The following CORO1C variants were observed in gnomAD, a reference collection of about 807,000 sequenced individuals.
CORO1C encodes the protein coronin-1C.
Under a neutral mutation model 51.2 loss-of-function variants are expected in CORO1C, and 14 were observed. That is an observed-to-expected ratio of 0.27 (90% CI 0.18 to 0.43). The LOEUF is 0.43. CORO1C is among the 20% of genes least tolerant of loss of function. The pLI, the probability that CORO1C is intolerant of heterozygous loss-of-function variation, is 1.00. For synonymous variants in CORO1C, 181 were observed against 210.5 expected (o/e 0.86, Z 1.21); for missense variants, 417 against 607.8 (o/e 0.69, Z 3.30).
chr12:108,685,398 C>T (rs544008458), intron 2 of CORO1C, among the ~76,000 whole-genome samples: 3 of 152,228 alleles, frequency 2.0e-5, no homozygotes, highest in South Asian at 2.1e-4. Context: ...ATGGCTAACA[C>T]TTTTTAAGTA....
At chr12:108,686,217 A>G (rs1319832344) in intron 2 of CORO1C, among the ~76,000 whole-genome samples, 1 of 152,248 alleles carries the variant, frequency 6.6e-6, no homozygotes, top group African/African-American at 2.4e-5. Flanking sequence ...AACAAACCAA[A>G]GAATCCATGT....
intron 1 of CORO1C, among the ~76,000 whole-genome samples, chr12:108,703,330 A>G (rs1283713342): frequency 6.6e-6 from 1 of 152,274 alleles, no homozygotes; most frequent in Non-Finnish European, 1.5e-5. Context: ...GACAAAGGAT[A>G]TGAAGAATTT....
intron 1 of CORO1C, among the ~76,000 whole-genome samples, chr12:108,728,531 C>G (rs2035644331): frequency 6.6e-6 from 1 of 152,130 alleles, no homozygotes; most frequent in South Asian, 2.1e-4. Context: ...GTGGTGACAG[C>G]TGCACAACTC....
At chr12:108,723,525 A>G (rs544114556) in intron 1 of CORO1C, among the ~76,000 whole-genome samples, 3 of 152,346 alleles carry the variant, frequency 2.0e-5, no homozygotes, top group African/African-American at 4.8e-5. Context: ...ATGTGTGTCT[A>G]CTATGGTCTC....
chr12:108,664,941 A>C (rs1315238692), intron 3 of CORO1C, among the ~76,000 whole-genome samples: 2 of 152,184 alleles, frequency 1.3e-5, no homozygotes, highest in African/African-American at 2.4e-5. Flanking sequence ...ATTTTGCAAG[A>C]TGCACTGTGA....
chr12:108,702,777 T>C (rs1276801870), intron 1 of CORO1C: 2 of 1,492,980 alleles, frequency 1.3e-6, no homozygotes, highest in Admixed American at 4.5e-5. Context: ...ACGAATTTAT[T>C]TTTGCCAGAG....
At chr12:108,678,736 A>C (rs2034002282) in intron 2 of CORO1C, among the ~76,000 whole-genome samples, 1 of 151,472 alleles carries the variant, frequency 6.6e-6, no homozygotes, top group East Asian at 1.9e-4. Flanking sequence ...AAAAAAAAAA[A>C]ACCCTAAACC....
At chr12:108,662,934 A>C (rs1422484354) in intron 3 of CORO1C, among the ~76,000 whole-genome samples, 1 of 152,248 alleles carries the variant, frequency 6.6e-6, no homozygotes, top group Non-Finnish European at 1.5e-5. Flanking sequence ...ACATTTGATA[A>C]GAGACCCATA....
intron 2 of CORO1C, among the ~76,000 whole-genome samples, chr12:108,681,259 G>T (rs1276407413): frequency 6.6e-6 from 1 of 152,194 alleles, no homozygotes; most frequent in Admixed American, 6.5e-5. Context: ...CAAAAGGAGA[G>T]AATTAAAAGA....
chr12:108,705,631 G>C (rs2035008468), intron 1 of CORO1C, among the ~76,000 whole-genome samples: 1 of 152,088 alleles, frequency 6.6e-6, no homozygotes, highest in Admixed American at 6.6e-5. Flanking sequence ...TATGAGGCCA[G>C]TATTATCCTG....
intron 1 of CORO1C, among the ~76,000 whole-genome samples, chr12:108,720,842 C>A (rs1239361180): frequency 6.6e-6 from 1 of 152,038 alleles, no homozygotes; most frequent in Non-Finnish European, 1.5e-5. Context: ...AATTAGTAGT[C>A]CTAGGCCATA....
In CORO1C at chr12:108,654,232, C is replaced by T. The variant is rs566256864; in HGVS notation, c.855+74G>A. The T allele has an allele frequency of 5.3e-5, 50 of 936,670 alleles. No homozygotes were observed. In the African/African-American group the frequency reaches 6.3e-4, roughly 12 times the overall value. 58.0% of individuals were successfully genotyped at this position (936,670 alleles called of 1,614,324 possible). ...AATTAAACAGATACAACACATTGCC[C>T]GTCCTCTAAATCTCTGAAGGATAAA... is the stretch of plus-strand genomic sequence containing the variant. On this transcript the variant is annotated intron_variant, in intron 7 of 10. Transcript: ENST00000261401.
intron 2 of CORO1C, among the ~76,000 whole-genome samples, chr12:108,683,612 T>C (rs1317088049): frequency 1.3e-5 from 2 of 151,984 alleles, no homozygotes; most frequent in African/African-American, 4.8e-5. Flanking sequence ...ACAATATATA[T>C]AAAATTGAAT....
At chr12:108,648,456 T>C (rs2032479443) in intron 10 of CORO1C, 149 bp downstream of exon 10, 1 of 1,059,882 alleles carries the variant, frequency 9.4e-7, no homozygotes, top group African/African-American at 1.6e-5. Flanking sequence ...CACCATCACG[T>C]GACCGAGGAC....
chr12:108,654,488 A>G, intron 6 of CORO1C, 78 bp from the exon 7 acceptor site: 1 of 754,950 alleles, frequency 1.3e-6, no homozygotes, highest in Non-Finnish European at 2.1e-6. Flanking sequence ...ACCTTATTAT[A>G]TATTCTTCTA....
At chr12:108,728,771 GA>G (rs1360437321) in intron 1 of CORO1C, among the ~76,000 whole-genome samples, 2 of 152,120 alleles carry the variant, frequency 1.3e-5, no homozygotes, top group African/African-American at 4.8e-5. Flanking sequence ...AGGTCATACT[GA>G]AATATTCATG....
At chr12:108,710,979 C>A (rs1001653335) in intron 1 of CORO1C, among the ~76,000 whole-genome samples, 1 of 152,088 alleles carries the variant, frequency 6.6e-6, no homozygotes, top group Non-Finnish European at 1.5e-5. Context: ...TGCAATAAAA[C>A]CTTCATCTTA....
In CORO1C at chr12:108,649,033, A is replaced by G. The variant is rs374447417; in HGVS notation, c.1002-13T>C. 6.2e-7 allele frequency: 1 copy of G among 1,613,862 alleles called. No homozygotes were observed. The highest frequency in any genetic ancestry group is 1.7e-5 in the Admixed American group (1 of 59,970). ...AAGTTTGAAGAATCTTCAGAGGGGA[A>G]ATAAAGGCAAAGTTGCATTAAGTGA... On this transcript the variant is annotated splice_polypyrimidine_tract_variant and intron_variant, in intron 8 of 10. Coordinates refer to ENST00000261401, the MANE Select transcript of CORO1C (RefSeq NM_014325.4).
chr12:108,707,192 G>A (rs186361842), intron 1 of CORO1C, among the ~76,000 whole-genome samples: 53 of 152,268 alleles, frequency 3.5e-4, no homozygotes, highest in African/African-American at 1.2e-3. Flanking sequence ...GGGATTGATT[G>A]GAACTGCAAG....
Sources: allele counts gnomAD v4.1 joint callset (sites outside exome capture counted in the v4.1 genomes callset), GRCh38; gene constraint gnomAD v4.1.1; transcripts MANE v1.5; gene names NCBI Gene and HGNC (gene_info 2026-07-23, HGNC 2026-07-21).